The following GRM8 variants were observed in gnomAD, a reference collection of about 807,000 sequenced individuals.
GRM8 encodes metabotropic glutamate receptor 8.
A neutral mutation model predicts 87.2 loss-of-function variants in GRM8; 47 were observed. That is an observed-to-expected ratio of 0.54 (90% CI 0.43 to 0.69). The LOEUF is 0.69. GRM8 is among the 30% of genes least tolerant of loss of function. GRM8 has a pLI of 0.00. For synonymous variants in GRM8, 396 were observed against 404.5 expected, an observed-to-expected ratio of 0.98 and a Z score of 0.25; for missense variants, 1,019 against 1,139.2, an observed-to-expected ratio of 0.89 and a Z score of 1.52.
intron 7 of GRM8, among the ~76,000 whole-genome samples, chr7:126,712,278 C>T (rs1008498376): frequency 1.3e-5 from 2 of 152,120 alleles, no homozygotes; most frequent in African/African-American, 4.8e-5. Context: ...GAAGTCAGAA[C>T]ACACACAAAA....
chr7:126,648,487 C>A (rs1237783689), intron 7 of GRM8, among the ~76,000 whole-genome samples: 1 of 152,154 alleles, frequency 6.6e-6, no homozygotes, highest in Non-Finnish European at 1.5e-5. Flanking sequence ...AATCACAACA[C>A]CCATGATTCC....
intron 2 of GRM8, among the ~76,000 whole-genome samples, chr7:127,175,999 A>C (rs1794082970): frequency 6.6e-6 from 1 of 152,246 alleles, no homozygotes; most frequent in Non-Finnish European, 1.5e-5. Flanking sequence ...GGTTGATTAT[A>C]GAATATGAAT....
intron 7 of GRM8, among the ~76,000 whole-genome samples, chr7:126,616,897 CA>C (rs1372029166): frequency 2.0e-5 from 3 of 151,946 alleles, no homozygotes; most frequent in African/African-American, 4.8e-5. Context: ...GCCTACCAAC[CA>C]AAAAAAGTCC....
intron 6 of GRM8, among the ~76,000 whole-genome samples, chr7:126,820,958 G>A (rs903416898): frequency 1.3e-5 from 2 of 152,112 alleles, no homozygotes; most frequent in Non-Finnish European, 2.9e-5. Flanking sequence ...AAAATTAGCC[G>A]GGCATGGTGG....
chr7:126,885,275 T>G (rs2131028529), intron 6 of GRM8, among the ~76,000 whole-genome samples: 1 of 152,286 alleles, frequency 6.6e-6, no homozygotes, highest in Non-Finnish European at 1.5e-5. Flanking sequence ...ACCCTGAGTG[T>G]ATTCATAGTG....
At chr7:126,572,664 T>C (rs1320688522) in intron 8 of GRM8, among the ~76,000 whole-genome samples, 1 of 152,152 alleles carries the variant, frequency 6.6e-6, no homozygotes, top group Non-Finnish European at 1.5e-5. Flanking sequence ...ACTTCCTTCC[T>C]TTGCACCTAT....
intron 7 of GRM8, among the ~76,000 whole-genome samples, chr7:126,644,126 AT>A (rs1410187661): frequency 6.6e-6 from 1 of 152,234 alleles, no homozygotes; most frequent in Non-Finnish European, 1.5e-5. Context: ...CTATGTTGTG[AT>A]TCCAAAATTT....
intron 7 of GRM8, among the ~76,000 whole-genome samples, chr7:126,733,649 T>C (rs1479379434): frequency 6.6e-6 from 1 of 151,982 alleles, no homozygotes; most frequent in Non-Finnish European, 1.5e-5. Context: ...AAAAAATTGA[T>C]AAACGCATTA....
intron 9 of GRM8, among the ~76,000 whole-genome samples, chr7:126,481,814 T>G (rs1355690073): frequency 6.6e-6 from 1 of 152,076 alleles, no homozygotes; most frequent in Non-Finnish European, 1.5e-5. Flanking sequence ...TTAGTTTATT[T>G]GTTTTGATCA....
chr7:126,788,420 A>AAACAAAAAACAAAAAACAAAAAAC (rs1554492202), intron 6 of GRM8, among the ~76,000 whole-genome samples: 7 of 81,118 alleles, frequency 8.6e-5, no homozygotes, highest in Non-Finnish European at 9.3e-5. Flanking sequence ...AAAAAAAAAA[A>AAACAAAAAACAAAAAACAAAAAAC]AAACCCTTTC....
At chr7:127,034,608 C>G (rs941853819) in intron 3 of GRM8, among the ~76,000 whole-genome samples, 1 of 152,162 alleles carries the variant, frequency 6.6e-6, no homozygotes, top group Non-Finnish European at 1.5e-5. Flanking sequence ...CAAGTTCAGA[C>G]TAGGAGGCTG....
intron 3 of GRM8, among the ~76,000 whole-genome samples, chr7:126,938,201 C>T (rs1001298705): frequency 6.6e-6 from 1 of 152,148 alleles, no homozygotes; most frequent in African/African-American, 2.4e-5. Flanking sequence ...TTCTCTGTCC[C>T]TTCCCCCTTC....
At chr7:126,615,812 C>G (rs938964578) in intron 7 of GRM8, among the ~76,000 whole-genome samples, 1 of 152,182 alleles carries the variant, frequency 6.6e-6, no homozygotes, top group Non-Finnish European at 1.5e-5. Context: ...ATCAATTCAA[C>G]AAGAAGAGCT....
In GRM8 at chr7:127,242,964, A is replaced by G. The variant is rs888925975; in HGVS notation, c.241T>C (p.Tyr81His). 3 of 1,614,124 alleles carry G rather than the reference A, an allele frequency of 1.9e-6. No homozygotes were observed. Among genetic ancestry groups the G allele is most frequent in the Non-Finnish European group, 2.5e-6 (3 of 1,180,020 alleles). Residue 81 changes from tyrosine (Y) to histidine (H), a missense_variant, in exon 2 of 11, where the codon TAT becomes CAT. Tyr to His is a moderately conservative substitution (Grantham distance 83). Transcript: ENST00000339582. ...KGIHRLEAML[Y>H]AIDQINKDPD... ...TCCTTGTTAATCTGGTCAATTGCAT[A>G]AAGCATGGCCTCCAGTCTGTGAATC...
At chr7:126,628,019 A>G (rs1001526243) in intron 7 of GRM8, among the ~76,000 whole-genome samples, 5 of 152,162 alleles carry the variant, frequency 3.3e-5, no homozygotes, top group African/African-American at 1.2e-4. Flanking sequence ...CTCAAAGAAT[A>G]AATGGGAAAG....
At chr7:126,530,101 C>T (rs2150839608) in intron 9 of GRM8, among the ~76,000 whole-genome samples, 1 of 152,308 alleles carries the variant, frequency 6.6e-6, no homozygotes, top group African/African-American at 2.4e-5. Flanking sequence ...AGCTCTCTGT[C>T]TTCATAACTG....
intron 6 of GRM8, among the ~76,000 whole-genome samples, chr7:126,858,256 C>A (rs1797854534): frequency 6.6e-6 from 1 of 152,120 alleles, no homozygotes; most frequent in Non-Finnish European, 1.5e-5. Flanking sequence ...CCTACAGTCC[C>A]TTTTCCAAGG....
chr7:126,474,432 C>T (rs1178010323), intron 9 of GRM8, among the ~76,000 whole-genome samples: 1 of 152,126 alleles, frequency 6.6e-6, no homozygotes, highest in African/African-American at 2.4e-5. Context: ...CCATGCCTGC[C>T]TAATTGTTTA....
At chr7:126,512,920 C>T (rs1007759452) in intron 9 of GRM8, 6 of 152,102 alleles carry the variant, frequency 3.9e-5, no homozygotes, top group Admixed American at 2.0e-4. Context: ...CAGATTATAG[C>T]TCATTGTCTG....
Sources: gnomAD v4.1 joint callset for allele counts (sites outside exome capture counted in the v4.1 genomes callset) on GRCh38, gnomAD v4.1.1 for gene constraint, MANE v1.5 for transcripts, NCBI Gene and HGNC (gene_info 2026-07-23, HGNC 2026-07-21) for gene names.